PACRG: variants seen among roughly 807,000 people sequenced by gnomAD.
The protein encoded by PACRG is parkin coregulated, also known as parkin coregulated gene protein.
Under a neutral mutation model 29.7 loss-of-function variants are expected in PACRG, and 29 were observed. That is an observed-to-expected ratio of 0.98 (90% CI 0.73 to 1.33). The LOEUF is 1.33. Among genes scored for constraint, PACRG ranks in the 40% most tolerant of loss-of-function variants. PACRG has a pLI of 0.00. For missense variants in PACRG, 279 were observed against 316.2 expected (o/e 0.88, Z 0.89); for synonymous variants, 116 against 118.7 (o/e 0.98, Z 0.15).
intron 2 of PACRG, among the ~76,000 whole-genome samples, chr6:163,059,918 A>T (rs1810951980): frequency 6.6e-6 from 1 of 152,222 alleles, no homozygotes; most frequent in African/African-American, 2.4e-5. Context: ...ACATGTCAAC[A>T]GTCTTAGTAG....
chr6:163,120,889 G>A (rs923903971), intron 4 of PACRG, among the ~76,000 whole-genome samples: 5 of 152,082 alleles, frequency 3.3e-5, no homozygotes, highest in Admixed American at 2.6e-4. Context: ...AGGGAACAAT[G>A]CCATACCTCA....
chr6:162,833,525 G>C (rs1242561847), intron 2 of PACRG, among the ~76,000 whole-genome samples: 1 of 151,970 alleles, frequency 6.6e-6, no homozygotes, highest in Non-Finnish European at 1.5e-5. Context: ...ACAATATGTT[G>C]TTTCTTGACT....
At chr6:163,152,199 G>C (rs1230113383) in intron 4 of PACRG, among the ~76,000 whole-genome samples, 1 of 152,128 alleles carries the variant, frequency 6.6e-6, no homozygotes, top group Non-Finnish European at 1.5e-5. Flanking sequence ...AGATTATGAA[G>C]TGTTCAAGCA....
intron 2 of PACRG, among the ~76,000 whole-genome samples, chr6:163,058,015 A>T (rs1270255691): frequency 6.6e-6 from 1 of 152,230 alleles, no homozygotes; most frequent in Non-Finnish European, 1.5e-5. Context: ...AAGAAAACAG[A>T]TTCTTACTGA....
At chr6:163,142,840 A>T (rs1777605695) in intron 4 of PACRG, among the ~76,000 whole-genome samples, 1 of 152,320 alleles carries the variant, frequency 6.6e-6, no homozygotes, top group East Asian at 1.9e-4. Flanking sequence ...TGAGAAACTC[A>T]TCAGACAAAC....
intron 2 of PACRG, among the ~76,000 whole-genome samples, chr6:162,962,492 G>A (rs1040368433): frequency 5.3e-5 from 8 of 151,760 alleles, no homozygotes; most frequent in African/African-American, 1.4e-4. Flanking sequence ...ATTTGGAAGT[G>A]GTGTGTTTTG....
chr6:163,206,361 A>G (rs1332607605), intron 4 of PACRG, among the ~76,000 whole-genome samples: 2 of 152,228 alleles, frequency 1.3e-5, no homozygotes. Flanking sequence ...CATACATACC[A>G]TGGAATACTA....
intron 4 of PACRG, among the ~76,000 whole-genome samples, chr6:163,284,105 C>T (rs1035968585): frequency 1.3e-5 from 2 of 151,880 alleles, no homozygotes; most frequent in African/African-American, 4.8e-5. Flanking sequence ...AAGAGCAAAA[C>T]TCTGTCTCAA....
At chr6:163,025,192 T>C (rs567898644) in intron 2 of PACRG, among the ~76,000 whole-genome samples, 2 of 152,130 alleles carry the variant, frequency 1.3e-5, no homozygotes, top group African/African-American at 2.4e-5. Flanking sequence ...GAATGCCCAC[T>C]CTTACAAATC....
intron 4 of PACRG, among the ~76,000 whole-genome samples, chr6:163,234,521 A>G (rs918076338): frequency 2.6e-5 from 4 of 152,188 alleles, no homozygotes; most frequent in African/African-American, 7.2e-5. Context: ...CTGCAGAGCC[A>G]TGAGCCAAGA....
intron 2 of PACRG, among the ~76,000 whole-genome samples, chr6:162,963,120 C>A (rs1800765565): frequency 6.6e-6 from 1 of 152,066 alleles, no homozygotes; most frequent in African/African-American, 2.4e-5. Context: ...AAAAGGAAGG[C>A]AAGGTTTTCC....
At chr6:163,123,239 A>G (rs1816374182) in intron 4 of PACRG, among the ~76,000 whole-genome samples, 1 of 152,226 alleles carries the variant, frequency 6.6e-6, no homozygotes, top group African/African-American at 2.4e-5. Context: ...CTAGCCTTTT[A>G]ATATGCAAAT....
intron 4 of PACRG, among the ~76,000 whole-genome samples, chr6:163,257,290 AG>A (rs1322085069): frequency 2.0e-5 from 3 of 151,796 alleles, no homozygotes; most frequent in South Asian, 2.1e-4. Flanking sequence ...TCTGTGTTAA[AG>A]GGGGCATTCT....
intron 2 of PACRG, among the ~76,000 whole-genome samples, chr6:162,902,878 A>G (rs1795655198): frequency 6.6e-6 from 1 of 152,120 alleles, no homozygotes; most frequent in Non-Finnish European, 1.5e-5. Context: ...TTTTTTCTTC[A>G]ATTCCAAAAG....
chr6:163,312,261 C>T (rs1186304950), intron 4 of PACRG, among the ~76,000 whole-genome samples: 1 of 152,098 alleles, frequency 6.6e-6, no homozygotes, highest in Non-Finnish European at 1.5e-5. Context: ...GACATTTGTC[C>T]CTGCTTTGGT....
chr6:163,275,673 T>A (rs1783998657), intron 4 of PACRG, among the ~76,000 whole-genome samples: 1 of 152,252 alleles, frequency 6.6e-6, no homozygotes, highest in Non-Finnish European at 1.5e-5. Context: ...TTCTCCCTTT[T>A]AAGTGACTTG....
chr6:162,877,664 C>T (rs1793486147), intron 2 of PACRG, among the ~76,000 whole-genome samples: 1 of 151,840 alleles, frequency 6.6e-6, no homozygotes, highest in Non-Finnish European at 1.5e-5. Flanking sequence ...ATTCAGGAGG[C>T]TTCAGTCAGA....
intron 4 of PACRG, among the ~76,000 whole-genome samples, chr6:163,268,016 A>T (rs1298978331): frequency 6.6e-6 from 1 of 152,254 alleles, no homozygotes; most frequent in African/African-American, 2.4e-5. Flanking sequence ...TTAGAAAGAA[A>T]AATTTAGCTA....
intron 1 of PACRG, among the ~76,000 whole-genome samples, chr6:162,792,150 CT>C (rs1318508617): frequency 6.6e-6 from 1 of 152,112 alleles, no homozygotes; most frequent in East Asian, 1.9e-4. Flanking sequence ...CATTGGGCTG[CT>C]GAGGCCTCAG....
Sources: allele counts gnomAD v4.1 joint callset (sites outside exome capture counted in the v4.1 genomes callset), GRCh38; gene constraint gnomAD v4.1.1; transcripts MANE v1.5; gene names NCBI Gene and HGNC (gene_info 2026-07-23, HGNC 2026-07-21).